Variants in ANKS6 observed in about 807,000 individuals in gnomAD.
The protein encoded by ANKS6 is ankyrin repeat and sterile alpha motif domain containing 6.
A neutral mutation model predicts 77.9 loss-of-function variants in ANKS6; 47 were observed. The observed-to-expected ratio is 0.60, with a 90% CI of 0.48 to 0.77. The LOEUF (loss-of-function observed/expected upper bound fraction) is 0.77, where lower values mean the gene tolerates loss of function less well. Ranked by LOEUF, ANKS6 falls within the 30% of genes least tolerant of loss-of-function variation. ANKS6 has a pLI of 0.00. For synonymous variants in ANKS6, 488 were observed against 501.7 expected (o/e 0.97, Z 0.37); for missense variants, 1,150 against 1,159.1 (o/e 0.99, Z 0.11).
intron 10 of ANKS6, among the ~76,000 whole-genome samples, chr9:98,769,196 A>G (rs1013593335): frequency 1.3e-5 from 2 of 152,102 alleles, no homozygotes; most frequent in African/African-American, 4.8e-5. Flanking sequence ...GGGGGTGCTC[A>G]AGAGGGACAC....
intron 11 of ANKS6, among the ~76,000 whole-genome samples, chr9:98,759,745 A>C (rs980457018): frequency 6.6e-6 from 1 of 152,250 alleles, no homozygotes; most frequent in Non-Finnish European, 1.5e-5. Flanking sequence ...CAAGAATGGA[A>C]AGTGAAACAC....
intron 12 of ANKS6, among the ~76,000 whole-genome samples, chr9:98,753,744 C>T (rs554712716): frequency 6.6e-6 from 1 of 152,046 alleles, no homozygotes; most frequent in African/African-American, 2.4e-5. Context: ...AGCAGAGATG[C>T]GCAGTAGGAA....
At position 98,736,495 on chromosome 9, in the gene ANKS6, C is replaced by G. The variant is rs367568742; in HGVS notation, c.*24G>C. 1.3e-6 allele frequency: 2 copies of G among 1,591,798 alleles called. No homozygotes were observed. The highest frequency in any genetic ancestry group is 2.3e-5 in the East Asian group (1 of 44,372). ...GGGGTCCCGGGATTCAGAGAGCTCACGCTGGTGGCTGCGGGAAGGAGGATC... is the reference window on the plus strand; with the variant it reads ...GGGGTCCCGGGATTCAGAGAGCTCAGGCTGGTGGCTGCGGGAAGGAGGATC... On this transcript the variant is annotated 3_prime_UTR_variant, in exon 15 of 15. Coordinates refer to ENST00000353234, the MANE Select transcript of ANKS6 (RefSeq NM_173551.5).
chr9:98,773,005 A>C (rs1833720715), intron 9 of ANKS6, among the ~76,000 whole-genome samples: 1 of 152,232 alleles, frequency 6.6e-6, no homozygotes. Flanking sequence ...AAGCAAGTCA[A>C]GTTGATGTTC....
intron 11 of ANKS6, among the ~76,000 whole-genome samples, chr9:98,758,327 T>TC (rs1045703097): frequency 2.6e-5 from 4 of 151,130 alleles, no homozygotes; most frequent in African/African-American, 7.3e-5. Flanking sequence ...CATCTTTCTT[T>TC]TTTTTTTTTT....
At chr9:98,743,105 C>T (rs1333273953) in intron 14 of ANKS6, among the ~76,000 whole-genome samples, 1 of 152,208 alleles carries the variant, frequency 6.6e-6, no homozygotes, top group Non-Finnish European at 1.5e-5. Flanking sequence ...GCATCAGCTC[C>T]TGGCCTGTCC....
chr9:98,787,729 T>C (rs776991030), intron 2 of ANKS6, among the ~76,000 whole-genome samples: 11 of 152,160 alleles, frequency 7.2e-5, no homozygotes, highest in Non-Finnish European at 1.2e-4. Context: ...ATTATGACTA[T>C]CTTATGAAAA....
At chr9:98,748,923 C>T (rs570414128) in intron 13 of ANKS6, among the ~76,000 whole-genome samples, 1 of 152,166 alleles carries the variant, frequency 6.6e-6, no homozygotes, top group African/African-American at 2.4e-5. Context: ...ACTATAAGTG[C>T]ATTATTAATG....
At position 98,770,950 on chromosome 9, in the gene ANKS6, CG is replaced by C; in HGVS notation, c.1917del (p.Gly640AlafsTer5). 1 of 1,594,738 alleles carries C rather than the reference CG, an allele frequency of 6.3e-7. No individual in the cohort carries two copies. Among genetic ancestry groups the C allele is most frequent in the African/African-American group, 1.3e-5 (1 of 74,332 alleles). On this transcript the variant is annotated frameshift_variant, in exon 10 of 15. Transcript: ENST00000353234. LOFTEE classifies it high-confidence loss of function. ...CGGCTCACACCTACCCCACTGGAGC[CG>C]CCCGATGAATGAGGCGAGTGGTTGA... Reference protein sequence around the residue: ...GNFNHSPHSSGGSSGVGVSRH... With the variant: ...GNFNHSPHSSXGSSGVGVSRH...
intron 12 of ANKS6, among the ~76,000 whole-genome samples, chr9:98,751,846 C>T (rs1250296676): frequency 6.6e-6 from 1 of 152,058 alleles, no homozygotes; most frequent in African/African-American, 2.4e-5. Context: ...CTTGGGAGGC[C>T]AAGGATGAAG....
chr9:98,784,177 T>C lies in ANKS6; in HGVS notation c.908-20A>G. The C allele has an allele frequency of 1.3e-6, 2 of 1,507,248 alleles. No homozygotes were observed. The highest frequency in any genetic ancestry group is 1.8e-6 in the Non-Finnish European group (2 of 1,120,342). The allele number at this position is 1,507,248 out of a possible 1,614,324, so 93.4% of individuals were successfully genotyped here. A position where few individuals can be genotyped will look rare whatever the true frequency, so the allele number is the denominator to read the frequency against. On this transcript the variant is annotated intron_variant, in intron 3 of 14. Transcript: ENST00000353234. ...AGTTTCCTGCAAACACAAGCAGGAG[T>C]CCGGGTGAACTGTGGGCCTGGTACC...
chr9:98,757,207 C>T (rs1224701807), intron 11 of ANKS6, among the ~76,000 whole-genome samples: 1 of 152,158 alleles, frequency 6.6e-6, no homozygotes, highest in African/African-American at 2.4e-5. Flanking sequence ...TCAAAACTAA[C>T]AAGCTGACAT....
At chr9:98,756,342 G>A in intron 12 of ANKS6, 78 bp downstream of exon 12, 1 of 1,497,824 alleles carries the variant, frequency 6.7e-7, no homozygotes. Context: ...TAGCAATTAA[G>A]GTCACCTTGC....
rs1186826548 is a variant in ANKS6, at chr9:98,774,535, A to G, written c.1618-455T>C. Among the ~76,000 whole-genome samples, 79 of 152,110 alleles carry G rather than the reference A, an allele frequency of 5.2e-4. 1 individual carries two copies. The highest frequency in any genetic ancestry group is 5.2e-3 in the Admixed American group (79 of 15,276). ...GGGCCAGAATATGGAAAGGCCTGGA[A>G]CCTAGAGGAGCAGGACATGGGTGCA... is the stretch of plus-strand genomic sequence containing the variant. On this transcript the variant is annotated intron_variant, in intron 8 of 14. Coordinates refer to ENST00000353234, the MANE Select transcript of ANKS6 (RefSeq NM_173551.5).
chr9:98,747,657 C>T (rs1232523996), intron 13 of ANKS6, among the ~76,000 whole-genome samples: 10 of 152,126 alleles, frequency 6.6e-5, no homozygotes. Context: ...CCACATCCAG[C>T]GTGGCACCAT....
chr9:98,751,958 T>C (rs1832450148), intron 12 of ANKS6, among the ~76,000 whole-genome samples: 1 of 152,152 alleles, frequency 6.6e-6, no homozygotes, highest in Admixed American at 6.5e-5. Flanking sequence ...GTGATGTGTG[T>C]GCCTGTAGTC....
intron 7 of ANKS6, among the ~76,000 whole-genome samples, 155 bp from the exon 8 acceptor site, chr9:98,777,609 G>C (rs952759081): frequency 3.3e-5 from 5 of 152,112 alleles, no homozygotes; most frequent in Admixed American, 3.3e-4. Flanking sequence ...TAGAAGGAAG[G>C]CATTTAAAAG....
chr9:98,775,939 G>C (rs1305387630), intron 8 of ANKS6, among the ~76,000 whole-genome samples: 2 of 152,194 alleles, frequency 1.3e-5, no homozygotes, highest in African/African-American at 2.4e-5. Context: ...GGCAGATTGG[G>C]TCAGGACCCC....
At position 98,770,925 on chromosome 9, in the gene ANKS6, C is replaced by T. The variant is rs200818398; in HGVS notation, c.1943G>A (p.Arg648Gln). 4.0e-5 allele frequency: 62 copies of T among 1,550,558 alleles called. No homozygotes were observed. Among genetic ancestry groups the T allele is most frequent in the Admixed American group, 1.3e-4 (7 of 51,884 alleles). ...SGGSSGVGVS[R>Q]HGGELLNRSG... ...GCGGTTAAGCAGCTCCCCACCGTGC[C>T]GGCTCACACCTACCCCACTGGAGCC... is the stretch of plus-strand genomic sequence containing the variant. The change falls in exon 10 of 15, where the codon CGG (arginine) becomes CAG (glutamine). Residue 648 changes from arginine to glutamine, a missense_variant. Physicochemically the swap from Arg to Gln is conservative, Grantham distance 43. Transcript: ENST00000353234.
Sources: gnomAD v4.1 joint callset for allele counts (sites outside exome capture counted in the v4.1 genomes callset) on GRCh38, gnomAD v4.1.1 for gene constraint, MANE v1.5 for transcripts, NCBI Gene and HGNC (gene_info 2026-07-23, HGNC 2026-07-21) for gene names.